Variants in EPB41L5 observed in about 807,000 individuals in gnomAD.
EPB41L5 encodes the protein band 4.1-like protein 5.
Under a neutral mutation model 106.6 loss-of-function variants are expected in EPB41L5, and 55 were observed. The observed-to-expected ratio is 0.52, with a 90% confidence interval of 0.42 to 0.65. The LOEUF (loss-of-function observed/expected upper bound fraction) is 0.65, where lower values mean the gene tolerates loss of function less well. Among genes scored for constraint, EPB41L5 ranks in the 30% least tolerant of loss-of-function variants. The probability of loss-of-function intolerance (pLI) is 0.00; values close to 1 mark genes in which losing one functional copy is unlikely to be tolerated. For synonymous variants in EPB41L5, 297 were observed against 306.7 expected, an observed-to-expected ratio of 0.97 and a Z score of 0.33; for missense variants, 871 against 882.1, an observed-to-expected ratio of 0.99 and a Z score of 0.16.
Position 120,090,254 on chromosome 2 carries a change from TC to T in EPB41L5, c.874-91del, listed in dbSNP as rs1442517877. 47 of 1,049,744 alleles carry T rather than the reference TC, an allele frequency of 4.5e-5. 1 individual carries two copies. Among genetic ancestry groups the T allele is most frequent in the Non-Finnish European group, 6.9e-6 (5 of 728,378 alleles). The allele number at this position is 1,049,744 out of a possible 1,614,324, so 65.0% of individuals were successfully genotyped here. On this transcript the variant is annotated intron_variant, in intron 11 of 24. Coordinates refer to ENST00000263713, the MANE Select transcript of EPB41L5 (RefSeq NM_020909.4). Reference sequence around the variant, plus strand: ...TCTGAATTTCAGGGAGCACACTAGATCCTTTATTCATGGATGTGTTTGTATC... The same window carrying T: ...TCTGAATTTCAGGGAGCACACTAGATCTTTATTCATGGATGTGTTTGTATC...
intron 2 of EPB41L5, among the ~76,000 whole-genome samples, chr2:120,023,072 TG>T (rs1174089958): frequency 1.1e-4 from 17 of 152,232 alleles, no homozygotes; most frequent in African/African-American, 3.4e-4. Flanking sequence ...TTGTAGATTC[TG>T]GATATTAGCC....
chr2:120,138,646 C>A (rs1410719391), intron 18 of EPB41L5, among the ~76,000 whole-genome samples: 1 of 151,768 alleles, frequency 6.6e-6, no homozygotes, highest in Non-Finnish European at 1.5e-5. Flanking sequence ...AAGATTTCTG[C>A]AATGAAAACT....
chr2:120,083,621 C>T lies in EPB41L5; in HGVS notation c.804-3550C>T, dbSNP rs749756567. On this transcript the variant is annotated intron_variant, in intron 10 of 24. Transcript: ENST00000263713. Reference sequence around the variant, plus strand: ...AGTTCTGTAGATGTCTTATTAGTTCCGCTTGATGCAGAGCTGAGTTCAATT... The same window carrying T: ...AGTTCTGTAGATGTCTTATTAGTTCTGCTTGATGCAGAGCTGAGTTCAATT... Among the ~76,000 whole-genome samples, 5 of 152,050 alleles carry T rather than the reference C, an allele frequency of 3.3e-5. No homozygotes were observed. In the East Asian group the frequency reaches 5.8e-4, roughly 18 times the overall value.
chr2:120,046,483 C>T (rs1198875128), intron 3 of EPB41L5, among the ~76,000 whole-genome samples: 28 of 150,496 alleles, frequency 1.9e-4, no homozygotes, highest in Admixed American at 5.3e-4. Flanking sequence ...TCATACCTTT[C>T]GCCCACTTTT....
chr2:120,156,687 C>G (rs773037566), intron 20 of EPB41L5, among the ~76,000 whole-genome samples: 29 of 152,184 alleles, frequency 1.9e-4, no homozygotes, highest in African/African-American at 2.9e-4. Flanking sequence ...AGAGAAAGCA[C>G]ACAGACCTGT....
chr2:120,061,900 A>G (rs2105284877), intron 3 of EPB41L5, among the ~76,000 whole-genome samples: 1 of 152,288 alleles, frequency 6.6e-6, no homozygotes, highest in East Asian at 1.9e-4. Context: ...TCTTGATGTA[A>G]GCATGGGTAG....
chr2:120,128,998 A>G (rs1456552023), intron 17 of EPB41L5, among the ~76,000 whole-genome samples: 1 of 152,152 alleles, frequency 6.6e-6, no homozygotes, highest in African/African-American at 2.4e-5. Flanking sequence ...ACAGGGACAT[A>G]AAGATGGGAA....
chr2:120,090,471 C>T lies in EPB41L5; in HGVS notation c.998C>T (p.Ser333Phe). The change falls in exon 12 of 25, where the codon TCT becomes TTT. Residue 333 changes from serine to phenylalanine, a missense_variant. Ser to Phe is a radical substitution (Grantham distance 155). Coordinates refer to ENST00000263713, the MANE Select transcript of EPB41L5 (RefSeq NM_020909.4). Reference protein sequence around the residue: ...FRLRGPVQKSSHRSGFIRLGS... With the variant: ...FRLRGPVQKSFHRSGFIRLGS... The stretch of plus-strand genomic sequence containing the variant: ...CTTCGAGGCCCCGTCCAAAAGAGTT[C>T]TCATCGATCAGGATTTATTCGACTA... 6.2e-7 allele frequency: 1 copy of T among 1,613,658 alleles called. No individual in the cohort carries two copies. The highest frequency in any genetic ancestry group is 8.5e-7 in the Non-Finnish European group (1 of 1,179,782).
At chr2:120,070,350 A>G (rs1056341395) in intron 3 of EPB41L5, among the ~76,000 whole-genome samples, 4 of 152,196 alleles carry the variant, frequency 2.6e-5, no homozygotes, top group Admixed American at 2.0e-4. Context: ...TAGCCTACCA[A>G]TGAAAAAAAG....
chr2:120,157,801 C>T (rs1303909371), intron 20 of EPB41L5, among the ~76,000 whole-genome samples: 1 of 146,944 alleles, frequency 6.8e-6, no homozygotes, highest in African/African-American at 2.5e-5. Context: ...AAAAAAACCA[C>T]AAAAGATCAA....
Position 120,100,707 on chromosome 2 carries a change from G to C in EPB41L5, c.1230G>C (p.Gly410=). The stretch of plus-strand genomic sequence containing the variant: ...ATAATTTTTGTCCAAAGGCTTGGGG[G>C]ATGAGATCTGCTCTGCCTGTGAGTC... ...TQSNGSQQAW[G]MRSALPVSPS... The change falls in exon 16 of 25, where the codon GGG becomes GGC. Residue 410 remains glycine (G), a synonymous_variant. Transcript: ENST00000263713. 6.2e-7 allele frequency: 1 copy of C among 1,613,438 alleles called. No individual in the cohort carries two copies. The highest frequency in any genetic ancestry group is 8.5e-7 in the Non-Finnish European group (1 of 1,179,462).
intron 14 of EPB41L5, among the ~76,000 whole-genome samples, chr2:120,094,989 A>G (rs535992909): frequency 6.6e-6 from 1 of 152,242 alleles, no homozygotes; most frequent in South Asian, 2.1e-4. Flanking sequence ...AAAATAGTTT[A>G]TGTGTACTTA....
intron 3 of EPB41L5, among the ~76,000 whole-genome samples, chr2:120,058,151 TTGTTA>T (rs1361911196): frequency 4.6e-5 from 7 of 152,154 alleles, no homozygotes; most frequent in African/African-American, 1.7e-4. Context: ...TGCTACATAC[TTGTTA>T]TGTTTTGTAT....
At chr2:120,043,972 C>A (rs1290822247) in intron 3 of EPB41L5, among the ~76,000 whole-genome samples, 2 of 151,672 alleles carry the variant, frequency 1.3e-5, no homozygotes. Context: ...TATTGCAAGA[C>A]CCTGTCTCTA....
intron 7 of EPB41L5, 126 bp from the exon 8 acceptor site, chr2:120,076,845 T>A (rs1028676815): frequency 4.8e-6 from 4 of 825,254 alleles, no homozygotes; most frequent in Non-Finnish European, 7.3e-6. Flanking sequence ...GAGACTTGTC[T>A]GAGTATTATG....
At chr2:120,115,811 C>T (rs768778127) in intron 16 of EPB41L5, among the ~76,000 whole-genome samples, 34 of 151,388 alleles carry the variant, frequency 2.2e-4, no homozygotes, top group African/African-American at 6.8e-4. Context: ...CGTTACGTTA[C>T]GTTATGTTAT....
intron 21 of EPB41L5, among the ~76,000 whole-genome samples, chr2:120,164,253 C>T (rs950131096): frequency 6.6e-6 from 1 of 152,094 alleles, no homozygotes; most frequent in South Asian, 2.1e-4. Context: ...CTCACTCTGT[C>T]ATCCAGGCTG....
chr2:120,119,736 T>C (rs756253748), intron 16 of EPB41L5, among the ~76,000 whole-genome samples: 36 of 152,228 alleles, frequency 2.4e-4, no homozygotes, highest in Middle Eastern at 3.4e-3. Context: ...TACATAAATA[T>C]AGGCGATCAG....
At chr2:120,067,690 T>C (rs1681539566) in intron 3 of EPB41L5, among the ~76,000 whole-genome samples, 1 of 152,190 alleles carries the variant, frequency 6.6e-6, no homozygotes, top group Admixed American at 6.5e-5. Context: ...ATGAGAAAGA[T>C]CTAATTTTAC....
Sources: allele counts gnomAD v4.1 joint callset (sites outside exome capture counted in the v4.1 genomes callset), GRCh38; gene constraint gnomAD v4.1.1; transcripts MANE v1.5; gene names NCBI Gene and HGNC (gene_info 2026-07-23, HGNC 2026-07-21).